SMYD5: variants seen among roughly 807,000 people sequenced by gnomAD.
The protein encoded by SMYD5 is protein-lysine N-trimethyltransferase SMYD5.
Under a neutral mutation model 57.4 loss-of-function variants are expected in SMYD5, and 35 were observed. The ratio of observed to expected loss-of-function variants is 0.61; its 90% CI spans 0.47 to 0.81. The LOEUF is 0.81. SMYD5 is among the 30% of genes least tolerant of loss of function. The pLI, the probability that SMYD5 is intolerant of heterozygous loss-of-function variation, is 0.00. For missense variants in SMYD5, 471 were observed against 527.9 expected (o/e 0.89, Z 1.06); for synonymous variants, 198 against 189.7 (o/e 1.04, Z -0.36).
rs1686355656 is a variant in SMYD5 at position 73,220,095 on chromosome 2, G to T, written c.250G>T (p.Ala84Ser). The change falls in exon 3 of 13, where the codon GCC becomes TCC. Residue 84 changes from alanine (A) to serine (S), a missense_variant. By Grantham distance (99) the Ala-to-Ser change is moderately conservative. Transcript: ENST00000389501. ...LRALEKAEEN[A>S]QRLTGKPGQV... Reference sequence around the variant, plus strand: ...GGCACTAGAGAAGGCAGAGGAGAATGCCCAGAGGCTGACCGGGAAACCAGG... The same window carrying T: ...GGCACTAGAGAAGGCAGAGGAGAATTCCCAGAGGCTGACCGGGAAACCAGG... 3 of 1,614,194 alleles carry T rather than the reference G, an allele frequency of 1.9e-6. No homozygotes were observed. Among genetic ancestry groups the T allele is most frequent in the Non-Finnish European group, 2.5e-6 (3 of 1,180,040 alleles).
In SMYD5 at chr2:73,226,258, T is replaced by C. The variant is rs1686501708; in HGVS notation, c.*312T>C. On this transcript the variant is annotated 3_prime_UTR_variant, in exon 13 of 13. Coordinates refer to ENST00000389501, the MANE Select transcript of SMYD5 (RefSeq NM_006062.3). Reference sequence around the variant, plus strand: ...ATCAGGGCCAGGGCCTAACAGTGTTTCTTCCCCTCGGCCCCACGGCCCATA... The same window carrying C: ...ATCAGGGCCAGGGCCTAACAGTGTTCCTTCCCCTCGGCCCCACGGCCCATA... The C allele has an allele frequency of 2.7e-6, 1 of 375,284 alleles. No individual in the cohort carries two copies. The highest frequency in any genetic ancestry group is 2.0e-5 in the African/African-American group (1 of 49,164). 23.2% of individuals were successfully genotyped at this position (375,284 alleles called of 1,614,324 possible). A position where few individuals can be genotyped will look rare whatever the true frequency, so the allele number is the denominator to read the frequency against.
At position 73,222,834 on chromosome 2, in the gene SMYD5, T is replaced by C. The variant is rs1324300018; in HGVS notation, c.705+17T>C. The C allele has an allele frequency of 2.5e-6, 4 of 1,611,460 alleles. No individual in the cohort carries two copies. In the Admixed American group the frequency reaches 6.7e-5, roughly 27 times the overall value. On this transcript the variant is annotated intron_variant, in intron 7 of 12. Coordinates refer to ENST00000389501, the MANE Select transcript of SMYD5 (RefSeq NM_006062.3). ...GTCAGCCAGGTGAGTGAGGAGAGGG[T>C]GGGACCAGTGGCCTCCTTGTTACTC...
At chr2:73,218,248 C>T (rs919559333) in intron 1 of SMYD5, among the ~76,000 whole-genome samples, 3 of 152,192 alleles carry the variant, frequency 2.0e-5, no homozygotes, top group African/African-American at 7.2e-5. Flanking sequence ...GCAGTTGGCT[C>T]AAAGGTTCAC....
chr2:73,220,608 G>A (rs2303905), intron 3 of SMYD5, 53 bp from the exon 4 acceptor site: 487,139 of 1,598,052 alleles, frequency 0.3, 76,742 homozygotes, highest in East Asian at 0.37. Flanking sequence ...GCAGTTAGAG[G>A]AGGTGATTCT....
Position 73,222,737 on chromosome 2 carries a change from C to T in SMYD5, c.643-18C>T. ...AATCCCCAGGGATACAAGTCTCTCC[C>T]TGCTTCCTCTAATCCAGGGCCAACT... On this transcript the variant is annotated intron_variant, in intron 6 of 12. Transcript: ENST00000389501. The T allele has an allele frequency of 6.2e-7, 1 of 1,604,916 alleles. No homozygotes were observed. The highest frequency in any genetic ancestry group is 1.1e-5 in the South Asian group (1 of 89,294).
chr2:73,226,234 T>G lies in SMYD5; in HGVS notation c.*288T>G. ...CACTCTAGGGTTTGAGGGGCTGGAA[T>G]CAGGGCCAGGGCCTAACAGTGTTTC... is the stretch of plus-strand genomic sequence containing the variant. On this transcript the variant is annotated 3_prime_UTR_variant, in exon 13 of 13. Transcript: ENST00000389501. 8.8e-6 allele frequency: 4 copies of G among 456,158 alleles called. 1 individual carries two copies. The South Asian group carries it at 1.1e-4, about 13-fold the overall frequency. The allele number at this position is 456,158 out of a possible 1,614,324, so 28.3% of individuals were successfully genotyped here.
At chr2:73,214,410 T>C (rs1241295677) in intron 1 of SMYD5, 48 bp downstream of exon 1, 2 of 1,610,612 alleles carry the variant, frequency 1.2e-6, no homozygotes, top group East Asian at 2.2e-5. Context: ...AGTCCGGCCA[T>C]GGAGACAGCC....
At chr2:73,220,924 C>A in intron 4 of SMYD5, 142 bp downstream of exon 4, 2 of 980,956 alleles carry the variant, frequency 2.0e-6, no homozygotes, top group Admixed American at 2.6e-5. Context: ...AGTCACATAA[C>A]CCTATCCCCT....
intron 4 of SMYD5, 72 bp downstream of exon 4, chr2:73,220,854 T>G: frequency 6.4e-7 from 1 of 1,552,238 alleles, no homozygotes; most frequent in Non-Finnish European, 8.7e-7. Context: ...CATCAGGTGT[T>G]GCCGTCTTTC....
chr2:73,223,068 T>G lies in SMYD5; in HGVS notation c.738T>G (p.Phe246Leu). ...WFTPDGFRSL[F>L]ALVGTNGQGI... ...CTCCAGATGGATTCCGGTCTCTCTT[T>G]GCTCTTGTTGGGACCAATGGCCAAG... Residue 246 changes from phenylalanine (F) to leucine (L), a missense_variant, in exon 8 of 13, where the codon TTT becomes TTG. Transcript: ENST00000389501. The G allele has an allele frequency of 6.2e-7, 1 of 1,614,230 alleles. No homozygotes were observed. Among genetic ancestry groups the G allele is most frequent in the Non-Finnish European group, 8.5e-7 (1 of 1,180,010 alleles).
rs1228051724 is a variant in SMYD5, at chr2:73,218,929, G to A, written c.165G>A (p.Val55=). 1 of 1,614,188 alleles carries A rather than the reference G, an allele frequency of 6.2e-7. No individual in the cohort carries two copies. The highest frequency in any genetic ancestry group is 8.5e-7 in the Non-Finnish European group (1 of 1,180,004). Residue 55 remains valine, a synonymous_variant, in exon 2 of 13, where the codon GTG becomes GTA. Transcript: ENST00000389501. Reference sequence around the variant, plus strand: ...CCATCTTCGTAGAACGGCCCCTGGTGGCTGCACAGTTTCTCTGGAATGCAC... The same window carrying A: ...CCATCTTCGTAGAACGGCCCCTGGTAGCTGCACAGTTTCTCTGGAATGCAC... The part of the protein sequence containing the change: ...GETIFVERPL[V]AAQFLWNALY...
In SMYD5 at chr2:73,226,947, C is replaced by T. The variant is rs1020072815; in HGVS notation, c.*1001C>T. 6.5e-6 allele frequency: 1 copy of T among 152,830 alleles called. No individual in the cohort carries two copies. Among genetic ancestry groups the T allele is most frequent in the African/African-American group, 2.4e-5 (1 of 41,574 alleles). The allele number at this position is 152,830 out of a possible 1,614,324, so 9.5% of individuals were successfully genotyped here. On this transcript the variant is annotated 3_prime_UTR_variant, in exon 13 of 13. Transcript: ENST00000389501. ...GCCCTGTCTTGTCCCCTCCTACCCC[C>T]AGATTAGCACCACCCCTCTCACTCT...
intron 9 of SMYD5, 147 bp downstream of exon 9, chr2:73,223,679 C>A (rs1686447869): frequency 1.5e-6 from 1 of 684,070 alleles, no homozygotes; most frequent in Non-Finnish European, 2.6e-6. Context: ...GATCTGTCCA[C>A]AGGGCACACA....
chr2:73,226,264 C>G lies in SMYD5; in HGVS notation c.*318C>G, dbSNP rs902603304. The G allele has an allele frequency of 1.5e-4, 54 of 356,568 alleles. No homozygotes were observed. The highest frequency in any genetic ancestry group is 8.8e-4 in the African/African-American group (43 of 48,600). The allele number at this position is 356,568 out of a possible 1,614,324, so 22.1% of individuals were successfully genotyped here. A position where few individuals can be genotyped will look rare whatever the true frequency, so the allele number is the denominator to read the frequency against. Reference sequence around the variant, plus strand: ...GCCAGGGCCTAACAGTGTTTCTTCCCCTCGGCCCCACGGCCCATACTCACC... The same window carrying G: ...GCCAGGGCCTAACAGTGTTTCTTCCGCTCGGCCCCACGGCCCATACTCACC... On this transcript the variant is annotated 3_prime_UTR_variant, in exon 13 of 13. Transcript: ENST00000389501.
intron 1 of SMYD5, among the ~76,000 whole-genome samples, chr2:73,217,853 C>T (rs72905336): frequency 0.067 from 10,236 of 152,232 alleles, 761 homozygotes; most frequent in African/African-American, 0.19. Flanking sequence ...CAGTAACTGC[C>T]TGGGTTCTGA....
At chr2:73,218,207 C>G (rs201969338) in intron 1 of SMYD5, among the ~76,000 whole-genome samples, 1 of 152,248 alleles carries the variant, frequency 6.6e-6, no homozygotes, top group East Asian at 1.9e-4. Flanking sequence ...ATAATGCTCA[C>G]TTTTCAAACG....
At chr2:73,222,965 C>A in intron 7 of SMYD5, 71 bp from the exon 8 acceptor site, 2 of 1,536,040 alleles carry the variant, frequency 1.3e-6, no homozygotes, top group South Asian at 1.1e-5. Context: ...GAAGGCTTCC[C>A]AAACAGAGAG....
Position 73,217,536 on chromosome 2 carries a change from G to A in SMYD5, c.97-1325G>A, listed in dbSNP as rs183695121. Among the ~76,000 whole-genome samples the A allele has an allele frequency of 2.1e-3, 323 of 152,324 alleles. No homozygotes were observed. The Middle Eastern group carries it at 0.037, about 18-fold the overall frequency. The stretch of plus-strand genomic sequence containing the variant: ...GATGGGATACAAGGCATGGGGAGAA[G>A]GGCTTCCAGGAAACCAGGCAAGGGT... On this transcript the variant is annotated intron_variant, in intron 1 of 12. Transcript: ENST00000389501.
intron 1 of SMYD5, among the ~76,000 whole-genome samples, chr2:73,216,994 C>A (rs778646560): frequency 1.3e-5 from 2 of 151,898 alleles, no homozygotes; most frequent in African/African-American, 4.8e-5. Flanking sequence ...CTCTGTTGCC[C>A]AGGCTATAGT....
Sources: gnomAD v4.1 joint callset for allele counts (sites outside exome capture counted in the v4.1 genomes callset) on GRCh38, gnomAD v4.1.1 for gene constraint, MANE v1.5 for transcripts, NCBI Gene and HGNC (gene_info 2026-07-23, HGNC 2026-07-21) for gene names.